The following TRPC7 variants were observed in gnomAD, a reference collection of about 807,000 sequenced individuals.
TRPC7 encodes the protein transient receptor potential cation channel subfamily C member 7, also known as short transient receptor potential channel 7.
TRPC7 carries 42 observed loss-of-function variants against 90.1 expected under a neutral mutation model. The ratio of observed to expected loss-of-function variants is 0.47; its 90% confidence interval spans 0.36 to 0.60. TRPC7 has a LOEUF of 0.60. Ranked by LOEUF, TRPC7 falls within the 20% of genes least tolerant of loss-of-function variation. The pLI is 0.00. For synonymous variants in TRPC7, 451 were observed against 436.3 expected, an observed-to-expected ratio of 1.03 and a Z score of -0.42; for missense variants, 955 against 1,112.3, an observed-to-expected ratio of 0.86 and a Z score of 2.01.
chr5:136,305,848 T>C (rs1162912106), intron 3 of TRPC7, among the ~76,000 whole-genome samples: 1 of 152,126 alleles, frequency 6.6e-6, no homozygotes, highest in African/African-American at 2.4e-5. Flanking sequence ...AAAACACACC[T>C]CACCAAGCAC....
chr5:136,229,691 T>C (rs989139268), intron 8 of TRPC7, among the ~76,000 whole-genome samples: 3 of 152,178 alleles, frequency 2.0e-5, no homozygotes, highest in Admixed American at 2.0e-4. Flanking sequence ...GGAAGAAACT[T>C]CTAATGTTTA....
intron 4 of TRPC7, 69 bp downstream of exon 4, chr5:136,274,604 G>A: frequency 2.9e-6 from 4 of 1,377,220 alleles, no homozygotes; most frequent in Non-Finnish European, 3.8e-6. Flanking sequence ...TGAACAAAAT[G>A]GATTTCAGAT....
chr5:136,330,160 C>A (rs1277527819), intron 2 of TRPC7, among the ~76,000 whole-genome samples: 6 of 152,218 alleles, frequency 3.9e-5, no homozygotes, highest in African/African-American at 1.4e-4. Context: ...TGCCCACCTG[C>A]CCCGCCCCCA....
chr5:136,301,882 C>A (rs1335016402), intron 3 of TRPC7, among the ~76,000 whole-genome samples: 1 of 152,174 alleles, frequency 6.6e-6, no homozygotes, highest in African/African-American at 2.4e-5. Flanking sequence ...GGAGATCAAT[C>A]CCCCGTCTTC....
chr5:136,322,776 A>G (rs1759237816), intron 2 of TRPC7, among the ~76,000 whole-genome samples: 3 of 152,138 alleles, frequency 2.0e-5, no homozygotes, highest in Admixed American at 6.6e-5. Context: ...CCATCTTTGT[A>G]TCTTCTTTGA....
intron 2 of TRPC7, among the ~76,000 whole-genome samples, chr5:136,353,579 T>C (rs1434184810): frequency 1.3e-5 from 2 of 152,238 alleles, no homozygotes; most frequent in Non-Finnish European, 2.9e-5. Context: ...ACTTCTTTCC[T>C]GCTAAGCTGC....
chr5:136,334,609 C>G (rs1759595400), intron 2 of TRPC7, among the ~76,000 whole-genome samples: 1 of 152,214 alleles, frequency 6.6e-6, no homozygotes, highest in Non-Finnish European at 1.5e-5. Context: ...TCCACTCTTT[C>G]ACGCTCTGGG....
chr5:136,233,787 C>T (rs1259925109), intron 7 of TRPC7, among the ~76,000 whole-genome samples: 3 of 152,214 alleles, frequency 2.0e-5, no homozygotes, highest in African/African-American at 7.2e-5. Flanking sequence ...GATTACAGAA[C>T]ACATCCAGGG....
At chr5:136,224,111 C>T (rs1755550203) in intron 10 of TRPC7, among the ~76,000 whole-genome samples, 1 of 152,106 alleles carries the variant, frequency 6.6e-6, no homozygotes, top group Non-Finnish European at 1.5e-5. Flanking sequence ...TGTAATTCTC[C>T]CTGTGGGAAG....
intron 3 of TRPC7, among the ~76,000 whole-genome samples, chr5:136,298,994 T>C (rs934509782): frequency 2.0e-5 from 3 of 151,904 alleles, no homozygotes; most frequent in African/African-American, 7.3e-5. Flanking sequence ...CATGACATGA[T>C]CTGATTACTT....
chr5:136,351,829 A>C (rs1029710638), intron 2 of TRPC7, among the ~76,000 whole-genome samples: 2 of 152,248 alleles, frequency 1.3e-5, no homozygotes, highest in Non-Finnish European at 2.9e-5. Flanking sequence ...AATTTTCATG[A>C]GTCTTAAAAT....
chr5:136,243,199 A>G lies in TRPC7; in HGVS notation c.1844+4272T>C, dbSNP rs550959542. ...ACTGGTTTTTGTGAGCTGGCCTGGG[A>G]CTGCACCCCTAGGGTGAGCAGAGCT... is the stretch of plus-strand genomic sequence containing the variant. On this transcript the variant is annotated intron_variant, in intron 7 of 11. Coordinates refer to ENST00000513104, the MANE Select transcript of TRPC7 (RefSeq NM_020389.3). Among the ~76,000 whole-genome samples, 80 of 152,034 alleles carry G rather than the reference A, an allele frequency of 5.3e-4. 1 individual carries two copies. Among genetic ancestry groups the G allele is most frequent in the African/African-American group, 1.8e-3 (76 of 41,450 alleles).
chr5:136,227,666 G>C (rs1755673332), intron 8 of TRPC7, among the ~76,000 whole-genome samples: 1 of 152,186 alleles, frequency 6.6e-6, no homozygotes. Flanking sequence ...AGTTGTAACA[G>C]GGACATCCGT....
At chr5:136,256,230 C>T (rs2149807887) in intron 5 of TRPC7, among the ~76,000 whole-genome samples, 1 of 152,244 alleles carries the variant, frequency 6.6e-6, no homozygotes. Context: ...ATTGCTCCTC[C>T]TCAGTTTTCT....
chr5:136,335,512 C>T (rs1199917730), intron 2 of TRPC7, among the ~76,000 whole-genome samples: 2 of 151,980 alleles, frequency 1.3e-5, no homozygotes, highest in Non-Finnish European at 2.9e-5. Context: ...AATTTAAGTC[C>T]TTATCATTTA....
chr5:136,233,861 T>C (rs865961790), intron 7 of TRPC7, among the ~76,000 whole-genome samples: 6 of 152,256 alleles, frequency 3.9e-5, no homozygotes, highest in African/African-American at 2.4e-5. Flanking sequence ...TTTTCTCATT[T>C]GCATCTTGCC....
intron 7 of TRPC7, among the ~76,000 whole-genome samples, chr5:136,238,244 A>G (rs545328418): frequency 3.3e-5 from 5 of 152,242 alleles, no homozygotes; most frequent in East Asian, 1.9e-4. Context: ...CTCTTAATCT[A>G]TAACTATCTT....
In TRPC7 at chr5:136,224,585, C is replaced by A. The variant is rs535899839; in HGVS notation, c.2343+689G>T. ...CACCCTGCTCGTACCCCAATCCAAG[C>A]AACCATGCCTTGTACCTGAATGACT... On this transcript the variant is annotated intron_variant, in intron 10 of 11. Transcript: ENST00000513104. Among the ~76,000 whole-genome samples the A allele has an allele frequency of 5.1e-4, 77 of 152,322 alleles. 1 individual carries two copies. The highest frequency in any genetic ancestry group is 1.8e-3 in the African/African-American group (75 of 41,568).
chr5:136,324,448 T>A (rs1759285168), intron 2 of TRPC7, among the ~76,000 whole-genome samples: 1 of 152,330 alleles, frequency 6.6e-6, no homozygotes, highest in East Asian at 1.9e-4. Context: ...TTTTGTAGCA[T>A]ATTCACTATT....
Sources: gnomAD v4.1 joint callset for allele counts (sites outside exome capture counted in the v4.1 genomes callset) on GRCh38, gnomAD v4.1.1 for gene constraint, MANE v1.5 for transcripts, NCBI Gene and HGNC (gene_info 2026-07-23, HGNC 2026-07-21) for gene names.